EPB41L4B: variants seen among roughly 807,000 people sequenced by gnomAD.
EPB41L4B encodes the protein erythrocyte membrane protein band 4.1 like 4B.
In EPB41L4B, 30 loss-of-function variants were observed where a neutral mutation model predicts 112.5. The observed-to-expected ratio is 0.27, with a 90% CI of 0.20 to 0.36. EPB41L4B has a LOEUF of 0.36. EPB41L4B is among the 10% of genes least tolerant of loss of function. The pLI is 1.00. For synonymous variants in EPB41L4B, 408 were observed against 439.7 expected (o/e 0.93, Z 0.90); for missense variants, 1,024 against 1,133.3 (o/e 0.90, Z 1.38).
At chr9:109,279,569 C>T (rs1184610342) in intron 2 of EPB41L4B, among the ~76,000 whole-genome samples, 1 of 152,146 alleles carries the variant, frequency 6.6e-6, no homozygotes, top group Non-Finnish European at 1.5e-5. Flanking sequence ...TAGAAATGTG[C>T]CTATAATGCA....
intron 2 of EPB41L4B, among the ~76,000 whole-genome samples, chr9:109,273,865 C>G (rs1160230396): frequency 6.6e-6 from 1 of 152,222 alleles, no homozygotes; most frequent in East Asian, 1.9e-4. Flanking sequence ...CCTATGTCCC[C>G]TCCAGGTATA....
intron 15 of EPB41L4B, chr9:109,240,391 C>T (rs959498865): frequency 1.3e-5 from 13 of 984,928 alleles, no homozygotes; most frequent in African/African-American, 1.8e-5. Context: ...TTTGCAGTAG[C>T]CAAAAAAGAT....
intron 15 of EPB41L4B, among the ~76,000 whole-genome samples, chr9:109,237,832 G>C (rs185356921): frequency 4.2e-4 from 64 of 152,254 alleles, no homozygotes; most frequent in African/African-American, 1.4e-3. Flanking sequence ...AGGCCACACT[G>C]GTGGGGGCTG....
chr9:109,224,192 T>C (rs1833686104), intron 15 of EPB41L4B, among the ~76,000 whole-genome samples: 1 of 152,186 alleles, frequency 6.6e-6, no homozygotes, highest in African/African-American at 2.4e-5. Flanking sequence ...ACTTCTAGTA[T>C]ATGCCCAAGA....
rs373696874 is a variant in EPB41L4B at position 109,304,873 on chromosome 9, G to C, written c.306+15268C>G. On this transcript the variant is annotated intron_variant, in intron 1 of 25. Transcript: ENST00000374566. Reference sequence around the variant, plus strand: ...GACAGAAGACAGATTAGCGGCTGTCGGGGTTAGGAACAGGGGAGGAATGAC... The same window carrying C: ...GACAGAAGACAGATTAGCGGCTGTCCGGGTTAGGAACAGGGGAGGAATGAC... Among the ~76,000 whole-genome samples the C allele has an allele frequency of 1.4e-4, 21 of 152,230 alleles. No homozygotes were observed. In the South Asian group the frequency reaches 4.4e-3, roughly 32 times the overall value.
At chr9:109,307,094 C>A in intron 1 of EPB41L4B, 1 of 222,862 alleles carries the variant, frequency 4.5e-6, no homozygotes, top group Non-Finnish European at 9.0e-6. Flanking sequence ...ATGGATGCAA[C>A]TGTAACTATC....
In EPB41L4B at chr9:109,279,853, G is replaced by C. The variant is rs1835968485; in HGVS notation, c.375C>G (p.Tyr125Ter). 1 of 1,613,986 alleles carries C rather than the reference G, an allele frequency of 6.2e-7. No homozygotes were observed. The highest frequency in any genetic ancestry group is 2.2e-5 in the East Asian group (1 of 44,894). Residue 125 changes from tyrosine (Y) to a stop codon, truncating the protein, a stop_gained, in exon 2 of 26, where the codon TAC (tyrosine) becomes TAG (stop). Coordinates refer to ENST00000374566, the MANE Select transcript of EPB41L4B (RefSeq NM_019114.5). LOFTEE classifies it high-confidence loss of function. ...VYHLDLVETDYFGLQFLDSAQ... is the reference protein window; with the variant it reads ...VYHLDLVETD Reference sequence around the variant, plus strand: ...CAGAGTCGAGGAACTGGAGGCCAAAGTAATCTGTTTCCACAAGGTCCAAGT... The same window carrying C: ...CAGAGTCGAGGAACTGGAGGCCAAACTAATCTGTTTCCACAAGGTCCAAGT...
intron 15 of EPB41L4B, among the ~76,000 whole-genome samples, chr9:109,233,697 ATTGT>A (rs1834034637): frequency 6.6e-6 from 1 of 151,968 alleles, no homozygotes. Context: ...GGTCCAGCTA[ATTGT>A]TTGTATTTTT....
intron 7 of EPB41L4B, among the ~76,000 whole-genome samples, chr9:109,257,003 G>A (rs1403951476): frequency 2.0e-5 from 3 of 152,156 alleles, no homozygotes; most frequent in Non-Finnish European, 4.4e-5. Context: ...ATCACTTAAG[G>A]AAACAACAAA....
chr9:109,232,866 C>A (rs369128562), intron 15 of EPB41L4B, among the ~76,000 whole-genome samples: 1 of 152,194 alleles, frequency 6.6e-6, no homozygotes, highest in Admixed American at 6.5e-5. Flanking sequence ...CCAATTCTTG[C>A]AGGTTTTTCA....
At chr9:109,299,535 G>A (rs1469681296) in intron 1 of EPB41L4B, among the ~76,000 whole-genome samples, 2 of 151,978 alleles carry the variant, frequency 1.3e-5, no homozygotes, top group Non-Finnish European at 2.9e-5. Flanking sequence ...TCTCTTTCTT[G>A]CCTGAGCTTC....
In EPB41L4B at chr9:109,310,384, G is replaced by T. The variant is rs1001606816; in HGVS notation, c.306+9757C>A. Among the ~76,000 whole-genome samples, 7 of 152,310 alleles carry T rather than the reference G, an allele frequency of 4.6e-5. No homozygotes were observed. The South Asian group carries it at 1.5e-3, about 32-fold the overall frequency. On this transcript the variant is annotated intron_variant, in intron 1 of 25. Coordinates refer to ENST00000374566, the MANE Select transcript of EPB41L4B (RefSeq NM_019114.5). ...GGAATGTGACTGAGACAGAGCATGT[G>T]GGGACTTTCACAGCATTGGTGATGG...
chr9:109,226,684 GAATA>G (rs1330533569), intron 15 of EPB41L4B, among the ~76,000 whole-genome samples: 9 of 60,104 alleles, frequency 1.5e-4, no homozygotes, highest in Non-Finnish European at 2.9e-4. Flanking sequence ...TATATATGAA[GAATA>G]TATATATGAA....
intron 2 of EPB41L4B, among the ~76,000 whole-genome samples, chr9:109,276,695 C>T (rs963379213): frequency 7.2e-5 from 11 of 152,136 alleles, no homozygotes; most frequent in Admixed American, 2.6e-4. Flanking sequence ...CACTGGCGGG[C>T]GGGAAAGCCT....
chr9:109,272,276 GCAAGACCC>G (rs889571832), intron 2 of EPB41L4B, among the ~76,000 whole-genome samples: 12 of 152,084 alleles, frequency 7.9e-5, no homozygotes, highest in African/African-American at 2.7e-4. Context: ...GGGCAACATA[GCAAGACCC>G]CATCTCTATA....
intron 1 of EPB41L4B, among the ~76,000 whole-genome samples, chr9:109,287,321 C>T (rs538922472): frequency 6.6e-6 from 1 of 152,310 alleles, no homozygotes; most frequent in South Asian, 2.1e-4. Flanking sequence ...AGGTAAGATG[C>T]TGCTGACAAT....
rs147045366 is a variant in EPB41L4B at position 109,235,796 on chromosome 9, C to T, written c.1409+7822G>A. On this transcript the variant is annotated intron_variant, in intron 15 of 25. Transcript: ENST00000374566. ...TCTTACCATCTAGCATCAAACACTG[C>T]GCAAAACATCTTTTGTATATAATGT... Among the ~76,000 whole-genome samples the T allele has an allele frequency of 7.6e-4, 116 of 152,248 alleles. 1 individual carries two copies. Among genetic ancestry groups the T allele is most frequent in the Non-Finnish European group, 1.3e-3 (87 of 68,030 alleles).
chr9:109,235,975 C>T (rs1259822728), intron 15 of EPB41L4B, among the ~76,000 whole-genome samples: 1 of 152,234 alleles, frequency 6.6e-6, no homozygotes, highest in African/African-American at 2.4e-5. Flanking sequence ...AGCTTCCACA[C>T]TTCACCTAAT....
Position 109,265,037 on chromosome 9 carries a change from T to C in EPB41L4B, c.534-13A>G, listed in dbSNP as rs1835349233. The C allele has an allele frequency of 2.5e-6, 4 of 1,599,792 alleles. No homozygotes were observed. The highest frequency in any genetic ancestry group is 1.7e-4 in the Middle Eastern group (1 of 6,016). On this transcript the variant is annotated splice_polypyrimidine_tract_variant and intron_variant, in intron 4 of 25. Coordinates refer to ENST00000374566, the MANE Select transcript of EPB41L4B (RefSeq NM_019114.5). ...AACAAACAGGTACCTGACAAACATA[T>C]ACAAAAGTCAACAGAGGGTAACTCT... is the stretch of plus-strand genomic sequence containing the variant.
Sources: gnomAD v4.1 joint callset for allele counts (sites outside exome capture counted in the v4.1 genomes callset) on GRCh38, gnomAD v4.1.1 for gene constraint, MANE v1.5 for transcripts, NCBI Gene and HGNC (gene_info 2026-07-23, HGNC 2026-07-21) for gene names.